MRPL13: variants seen among roughly 807,000 people sequenced by gnomAD.
MRPL13 encodes the protein mitochondrial ribosomal protein L13.
Under a neutral mutation model 29.0 loss-of-function variants are expected in MRPL13, and 33 were observed. The ratio of observed to expected loss-of-function variants is 1.14; its 90% CI spans 0.86 to 1.52. The LOEUF is 1.52. MRPL13 is among the 40% of genes most tolerant of loss of function. MRPL13 has a pLI of 0.00. For synonymous variants in MRPL13, 77 were observed against 68.4 expected, an observed-to-expected ratio of 1.13 and a Z score of -0.62; for missense variants, 227 against 216.7, an observed-to-expected ratio of 1.05 and a Z score of -0.30.
chr8:120,443,454 C>T (rs1289776959), intron 1 of MRPL13, 146 bp from the exon 2 acceptor site: 3 of 886,882 alleles, frequency 3.4e-6, no homozygotes, highest in Non-Finnish European at 4.6e-6. Flanking sequence ...AACTCTATTG[C>T]TAAAGAATTT....
intron 6 of MRPL13, among the ~76,000 whole-genome samples, chr8:120,407,372 CTT>C (rs1397054382): frequency 5.3e-5 from 8 of 152,068 alleles, no homozygotes; most frequent in African/African-American, 1.9e-4. Flanking sequence ...ATAAGTGACA[CTT>C]AACATTATTG....
chr8:120,421,475 G>A (rs569027598), intron 4 of MRPL13, among the ~76,000 whole-genome samples: 36 of 151,678 alleles, frequency 2.4e-4, no homozygotes, highest in African/African-American at 7.5e-4. Context: ...CAAATTCTCC[G>A]ATAGGCCACA....
At position 120,398,189 on chromosome 8, in the gene MRPL13, G is replaced by A. The variant is rs115666538; in HGVS notation, c.516-2064C>T. Among the ~76,000 whole-genome samples, 922 of 152,242 alleles carry A rather than the reference G, an allele frequency of 6.1e-3. 11 individuals are homozygous for A. The highest frequency in any genetic ancestry group is 0.02 in the African/African-American group (842 of 41,558). On this transcript the variant is annotated intron_variant, in intron 6 of 6. Coordinates refer to ENST00000306185, the MANE Select transcript of MRPL13 (RefSeq NM_014078.6). ...TCCCTGATCCTGTCTCTCCTGACTG[G>A]GTGAGACCTCCCAACAGGGGTCTCT...
chr8:120,444,857 G>T (rs1032178933), intron 1 of MRPL13: 6 of 467,320 alleles, frequency 1.3e-5, no homozygotes, highest in East Asian at 3.9e-5. Flanking sequence ...GACATGAAAA[G>T]GGCAGATTGA....
chr8:120,414,317 AC>A (rs1812779788), intron 5 of MRPL13: 1 of 338,016 alleles, frequency 3.0e-6, no homozygotes, highest in Admixed American at 5.0e-5. Flanking sequence ...ATAATAAGAT[AC>A]CTATTTTTTA....
At chr8:120,441,040 C>A (rs910776615) in intron 2 of MRPL13, among the ~76,000 whole-genome samples, 2 of 151,720 alleles carry the variant, frequency 1.3e-5, no homozygotes, top group Non-Finnish European at 2.9e-5. Flanking sequence ...TATATATGTA[C>A]TTTTTTTATT....
At chr8:120,434,456 C>T (rs1205897290) in intron 2 of MRPL13, among the ~76,000 whole-genome samples, 1 of 152,062 alleles carries the variant, frequency 6.6e-6, no homozygotes, top group African/African-American at 2.4e-5. Context: ...TTCAACTCAG[C>T]TAAAATTATA....
chr8:120,410,732 C>T (rs1701949471), intron 6 of MRPL13, among the ~76,000 whole-genome samples: 2 of 151,948 alleles, frequency 1.3e-5, no homozygotes, highest in Admixed American at 1.3e-4. Context: ...ATTTGAAGCT[C>T]GAATAGAGAG....
intron 2 of MRPL13, among the ~76,000 whole-genome samples, chr8:120,441,981 G>A (rs1743641268): frequency 6.6e-6 from 1 of 152,122 alleles, no homozygotes; most frequent in Admixed American, 6.5e-5. Flanking sequence ...TTTTCTGATA[G>A]TTTGAAACCT....
intron 2 of MRPL13, among the ~76,000 whole-genome samples, chr8:120,442,119 CA>C (rs1188858182): frequency 1.3e-5 from 2 of 152,148 alleles, no homozygotes; most frequent in Non-Finnish European, 2.9e-5. Flanking sequence ...CTCAGCCAGC[CA>C]TATTTGTCAT....
chr8:120,427,432 T>C (rs1812942336), intron 3 of MRPL13, among the ~76,000 whole-genome samples: 1 of 152,106 alleles, frequency 6.6e-6, no homozygotes, highest in South Asian at 2.1e-4. Context: ...TAAATAATCC[T>C]ACATATATGA....
chr8:120,395,942 C>A lies in MRPL13; in HGVS notation c.*162G>T. On this transcript the variant is annotated 3_prime_UTR_variant, in exon 7 of 7. Coordinates refer to ENST00000306185, the MANE Select transcript of MRPL13 (RefSeq NM_014078.6). ...AAAATTATATTTTAATTACAATTTCCTATTGAAGGACTATACCTTCCTGAC... is the reference window on the plus strand; with the variant it reads ...AAAATTATATTTTAATTACAATTTCATATTGAAGGACTATACCTTCCTGAC... 1.9e-6 allele frequency: 1 copy of A among 531,676 alleles called. No individual in the cohort carries two copies. Among genetic ancestry groups the A allele is most frequent in the Non-Finnish European group, 3.4e-6 (1 of 295,154 alleles). The allele number at this position is 531,676 out of a possible 1,614,324, so 32.9% of individuals were successfully genotyped here.
At chr8:120,425,728 G>A (rs956672402) in intron 3 of MRPL13, among the ~76,000 whole-genome samples, 5 of 152,000 alleles carry the variant, frequency 3.3e-5, no homozygotes, top group South Asian at 2.1e-4. Context: ...TAGATAAACC[G>A]TATAAACTAC....
chr8:120,416,196 A>T (rs1335882588), intron 5 of MRPL13: 1 of 152,172 alleles, frequency 6.6e-6, no homozygotes, highest in Non-Finnish European at 1.5e-5. Flanking sequence ...GTTTATGGAG[A>T]TTTAAGAGTT....
chr8:120,425,123 T>A (rs1398381443), intron 4 of MRPL13, among the ~76,000 whole-genome samples, 183 bp downstream of exon 4: 1 of 152,066 alleles, frequency 6.6e-6, no homozygotes, highest in Non-Finnish European at 1.5e-5. Context: ...TACATAGCAA[T>A]TAGAAAATAC....
intron 1 of MRPL13, among the ~76,000 whole-genome samples, chr8:120,444,472 C>T (rs1813174588): frequency 6.6e-6 from 1 of 152,208 alleles, no homozygotes; most frequent in South Asian, 2.1e-4. Flanking sequence ...GGCCTATACT[C>T]AATATTCAGG....
chr8:120,444,938 C>T, intron 1 of MRPL13, 130 bp downstream of exon 1: 12 of 1,168,852 alleles, frequency 1.0e-5, no homozygotes, highest in Non-Finnish European at 1.4e-5. Context: ...CTTGTGCTTT[C>T]CCAAGTCACC....
At chr8:120,436,384 G>T (rs551108082) in intron 2 of MRPL13, among the ~76,000 whole-genome samples, 1 of 152,134 alleles carries the variant, frequency 6.6e-6, no homozygotes, top group Non-Finnish European at 1.5e-5. Flanking sequence ...TAGTTGTGTA[G>T]TATTATCTCA....
Position 120,424,672 on chromosome 8 carries a change from G to T in MRPL13, c.306+634C>A, listed in dbSNP as rs1812912457. Among the ~76,000 whole-genome samples, 2 of 151,656 alleles carry T rather than the reference G, an allele frequency of 1.3e-5. 1 individual carries two copies. The highest frequency in any genetic ancestry group is 4.2e-4 in the South Asian group (2 of 4,796). Reference sequence around the variant, plus strand: ...TCCCAGCTGCTTGAGAGGCTGAGGTGGGAAGATCCCTTGAGCCCAGGAGTT... The same window carrying T: ...TCCCAGCTGCTTGAGAGGCTGAGGTTGGAAGATCCCTTGAGCCCAGGAGTT... On this transcript the variant is annotated intron_variant, in intron 4 of 6. Coordinates refer to ENST00000306185, the MANE Select transcript of MRPL13 (RefSeq NM_014078.6).
Sources: gnomAD v4.1 joint callset for allele counts (sites outside exome capture counted in the v4.1 genomes callset) on GRCh38, gnomAD v4.1.1 for gene constraint, MANE v1.5 for transcripts, NCBI Gene and HGNC (gene_info 2026-07-23, HGNC 2026-07-21) for gene names.